The following ZNF594 variants were observed in gnomAD, a reference collection of about 807,000 sequenced individuals.
ZNF594 encodes zinc finger protein 594.
For synonymous variants in ZNF594, 336 were observed against 309.4 expected, an observed-to-expected ratio of 1.09 and a Z score of -0.90; for missense variants, 1,037 against 964.6, an observed-to-expected ratio of 1.08 and a Z score of -0.99.
At chr17:5,186,000 T>C (rs1018759230) in intron 1 of ZNF594, among the ~76,000 whole-genome samples, 6 of 152,140 alleles carry the variant, frequency 3.9e-5, no homozygotes, top group Non-Finnish European at 8.8e-5. Context: ...GTCTGCAGCT[T>C]TTCCAGGCAT....
rs138017619 is a variant in ZNF594, at chr17:5,185,892, T to G, written c.-20-1616A>C. Among the ~76,000 whole-genome samples the G allele has an allele frequency of 3.0e-3, 461 of 152,340 alleles. 4 individuals are homozygous for G. The highest frequency in any genetic ancestry group is 0.011 in the African/African-American group (443 of 41,580). On this transcript the variant is annotated intron_variant, in intron 1 of 1. Transcript: ENST00000575779. ...AGGTCTCACATCCAGGTCATGCTGA[T>G]GCAAGAGGTGGGTTCCCATGGTCTT... is the stretch of plus-strand genomic sequence containing the variant.
chr17:5,183,049 G>C lies in ZNF594; in HGVS notation c.1208C>G (p.Pro403Arg). The change falls in exon 2 of 2, where the codon CCA becomes CGA. Residue 403 changes from proline to arginine, a missense_variant. Pro to Arg is a moderately radical substitution (Grantham distance 103). Coordinates refer to ENST00000575779, the MANE Select transcript of ZNF594 (RefSeq NM_032530.2). Reference sequence around the variant, plus strand: ...TTTCCCACATTCTTTACATTCATATGGTTTCTCTCCTGTATGAGTTACCTG... The same window carrying C: ...TTTCCCACATTCTTTACATTCATATCGTTTCTCTCCTGTATGAGTTACCTG... ...RHQVTHTGEK[P>R]YECKECGKTF... is the part of the protein sequence containing the mutation. The C allele has an allele frequency of 3.7e-6, 6 of 1,614,074 alleles. No homozygotes were observed. The highest frequency in any genetic ancestry group is 1.3e-5 in the African/African-American group (1 of 75,012).
intron 1 of ZNF594, among the ~76,000 whole-genome samples, chr17:5,188,187 T>C (rs2074398261): frequency 6.7e-6 from 1 of 150,098 alleles, no homozygotes; most frequent in South Asian, 2.1e-4. Context: ...TTTGGTTCGA[T>C]ATACATATAT....
chr17:5,182,992 T>C lies in ZNF594; in HGVS notation c.1265A>G (p.His422Arg), dbSNP rs367792052. The change falls in exon 2 of 2, where the codon CAT becomes CGT. Residue 422 changes from histidine (H) to arginine (R), a missense_variant. By Grantham distance (29) the His-to-Arg change is conservative. Transcript: ENST00000575779. ...TTTTTCTCCACTGTGAATTCTATGA[T>C]GTCTCAGAAGGTCTGAGCTCTGATT... ...TFNQSSDLLR[H>R]HRIHSGEKPC... The C allele has an allele frequency of 2.3e-5, 37 of 1,614,062 alleles. No individual in the cohort carries two copies. The highest frequency in any genetic ancestry group is 3.0e-5 in the Non-Finnish European group (35 of 1,180,032).
intron 1 of ZNF594, among the ~76,000 whole-genome samples, chr17:5,190,553 G>A (rs529082920): frequency 6.6e-6 from 1 of 152,124 alleles, no homozygotes; most frequent in African/African-American, 2.4e-5. Context: ...TCATGGGCAC[G>A]CATTAGGTGA....
rs1306137997 is a variant in ZNF594 at position 5,181,303 on chromosome 17, C to G, written c.*530G>C. On this transcript the variant is annotated 3_prime_UTR_variant, in exon 2 of 2. Coordinates refer to ENST00000575779, the MANE Select transcript of ZNF594 (RefSeq NM_032530.2). ...CTCTGATTGAAAGTTTTCCCACATT[C>G]TTTACATTCATATGGTTTCTCTCCT... The G allele has an allele frequency of 6.2e-7, 1 of 1,612,740 alleles. No homozygotes were observed. The highest frequency in any genetic ancestry group is 1.7e-5 in the Admixed American group (1 of 59,996).
chr17:5,189,627 TG>T (rs1305787339), intron 1 of ZNF594, among the ~76,000 whole-genome samples: 1 of 152,148 alleles, frequency 6.6e-6, no homozygotes, highest in Admixed American at 6.5e-5. Flanking sequence ...CTCAAACTCC[TG>T]GGCTCAAGCA....
intron 1 of ZNF594, among the ~76,000 whole-genome samples, chr17:5,189,591 G>A (rs146616693): frequency 1.3e-5 from 2 of 152,070 alleles, no homozygotes; most frequent in Non-Finnish European, 2.9e-5. Context: ...CTGGAGTGCA[G>A]TGGTGCAATC....
At chr17:5,176,688 T>C (rs1480339395), downstream of ZNF594, among the ~76,000 whole-genome samples, 1 of 151,514 alleles carries the variant, frequency 6.6e-6, no homozygotes, top group Non-Finnish European at 1.5e-5. Flanking sequence ...AAACACCTGA[T>C]GGAAAATGTG....
At chr17:5,179,401 GCCGGAGCCAAC>G (rs1178656697), downstream of ZNF594, 1 of 167,384 alleles carries the variant, frequency 6.0e-6, no homozygotes, top group Non-Finnish European at 1.4e-5. Flanking sequence ...GCTGACCCTG[GCCGGAGCCAAC>G]CTGGAGATGC....
Position 5,184,274 on chromosome 17 carries a change from A to G in ZNF594, c.-18T>C, listed in dbSNP as rs1414501148. The G allele has an allele frequency of 6.2e-7, 1 of 1,600,628 alleles. No homozygotes were observed. The highest frequency in any genetic ancestry group is 8.5e-7 in the Non-Finnish European group (1 of 1,175,090). On this transcript the variant is annotated splice_region_variant and 5_prime_UTR_variant, in exon 2 of 2. Coordinates refer to ENST00000575779, the MANE Select transcript of ZNF594 (RefSeq NM_032530.2). ...TCCTTCATCTTATTCCTGTCTTCAGAATCTGAAATGATAAGTAGATCATTC... is the reference window on the plus strand; with the variant it reads ...TCCTTCATCTTATTCCTGTCTTCAGGATCTGAAATGATAAGTAGATCATTC...
rs771496894 is a variant in ZNF594, at chr17:5,183,796, G to A, written c.461C>T (p.Pro154Leu). The A allele has an allele frequency of 6.2e-7, 1 of 1,614,076 alleles. No individual in the cohort carries two copies. Among genetic ancestry groups the A allele is most frequent in the East Asian group, 2.2e-5 (1 of 44,880 alleles). ...TTTCCCACATTCATTACACACATAT[G>A]GCTTATTTCCTGTATGAATTCTCTG... Reference protein sequence around the residue: ...IHQRIHTGNKPYVCNECGKDS... With the variant: ...IHQRIHTGNKLYVCNECGKDS... The change falls in exon 2 of 2, where the codon CCA (proline) becomes CTA (leucine). Residue 154 changes from proline to leucine, a missense_variant. Transcript: ENST00000575779.
Position 5,182,869 on chromosome 17 carries a change from C to T in ZNF594, c.1388G>A (p.Ser463Asn). 6.2e-7 allele frequency: 1 copy of T among 1,613,998 alleles called. No homozygotes were observed. The highest frequency in any genetic ancestry group is 8.5e-7 in the Non-Finnish European group (1 of 1,179,998). Residue 463 changes from serine (S) to asparagine (N), a missense_variant, in exon 2 of 2, where the codon AGT becomes AAT. Ser to Asn is a conservative substitution (Grantham distance 46). Coordinates refer to ENST00000575779, the MANE Select transcript of ZNF594 (RefSeq NM_032530.2). The stretch of plus-strand genomic sequence containing the variant: ...CTGGCTAAAGGCTTTCCCACATTCA[C>T]TACATTCATAGGGTTTCTCTCCAGT... Reference protein sequence around the residue: ...VHTGEKPYECSECGKAFSQRS... With the variant: ...VHTGEKPYECNECGKAFSQRS...
chr17:5,190,357 A>G (rs2074413847), intron 1 of ZNF594, among the ~76,000 whole-genome samples: 1 of 152,130 alleles, frequency 6.6e-6, no homozygotes, highest in Admixed American at 6.5e-5. Context: ...ACAGAGCGAG[A>G]CTCTGTCTTA....
chr17:5,183,891 A>G lies in ZNF594; in HGVS notation c.366T>C (p.Asn122=). 1 of 1,613,454 alleles carries G rather than the reference A, an allele frequency of 6.2e-7. No homozygotes were observed. The highest frequency in any genetic ancestry group is 8.5e-7 in the Non-Finnish European group (1 of 1,179,916). The change falls in exon 2 of 2, where the codon AAT becomes AAC. Residue 122 remains asparagine (N), a synonymous_variant. Transcript: ENST00000575779. ...CCTTACATTCATAGGTCTTATTTAT[A>G]TTATGAATTTTCTGATGTTCAGTTA... is the stretch of plus-strand genomic sequence containing the variant. ...SGLTEHQKIH[N]INKTYECKEC... is the part of the protein sequence containing the mutation.
chr17:5,175,940 T>TG (rs1162048926), downstream of ZNF594, among the ~76,000 whole-genome samples: 1 of 152,216 alleles, frequency 6.6e-6, no homozygotes, highest in African/African-American at 2.4e-5. Flanking sequence ...CTGGCACAGT[T>TG]GCTTGGTAAG....
downstream of ZNF594, among the ~76,000 whole-genome samples, chr17:5,175,399 A>G (rs1257026542): frequency 6.6e-6 from 1 of 152,166 alleles, no homozygotes; most frequent in African/African-American, 2.4e-5. Flanking sequence ...TGATGATTTG[A>G]GGTGGAACAG....
chr17:5,183,348 G>A lies in ZNF594; in HGVS notation c.909C>T (p.Ala303=). 1 of 1,613,758 alleles carries A rather than the reference G, an allele frequency of 6.2e-7. No individual in the cohort carries two copies. Among genetic ancestry groups the A allele is most frequent in the Non-Finnish European group, 8.5e-7 (1 of 1,180,012 alleles). The change falls in exon 2 of 2, where the codon GCC becomes GCT. Residue 303 remains alanine, a synonymous_variant. Transcript: ENST00000575779. The part of the protein sequence containing the change: ...KPLKCNECEK[A]FRQHSHLTEH... ...CAGTAAGGTGAGAATGCTGCCTGAAGGCTTTTTCACATTCATTACATTTGA... is the reference window on the plus strand; with the variant it reads ...CAGTAAGGTGAGAATGCTGCCTGAAAGCTTTTTCACATTCATTACATTTGA...
At chr17:5,188,365 T>C (rs910968116) in intron 1 of ZNF594, among the ~76,000 whole-genome samples, 5 of 151,932 alleles carry the variant, frequency 3.3e-5, no homozygotes, top group African/African-American at 9.7e-5. Flanking sequence ...GGTATGCCTC[T>C]AGATTTGATG....
Sources: gnomAD v4.1 joint callset for allele counts (sites outside exome capture counted in the v4.1 genomes callset) on GRCh38, gnomAD v4.1.1 for gene constraint, MANE v1.5 for transcripts, NCBI Gene and HGNC (gene_info 2026-07-23, HGNC 2026-07-21) for gene names.